HEATR4: variants seen among roughly 807,000 people sequenced by gnomAD.
HEATR4 encodes HEAT repeat containing 4, also known as HEAT repeat-containing protein 4.
HEATR4 carries 95 observed loss-of-function variants against 108.8 expected under a neutral mutation model. That is an observed-to-expected ratio of 0.87 (90% CI 0.74 to 1.04). The LOEUF (loss-of-function observed/expected upper bound fraction) is 1.04, where lower values mean the gene tolerates loss of function less well. HEATR4 is among the 50% of genes least tolerant of loss of function. The pLI, the probability that HEATR4 is intolerant of heterozygous loss-of-function variation, is 0.00. For synonymous variants in HEATR4, 443 were observed against 459.4 expected (o/e 0.96, Z 0.46); for missense variants, 1,152 against 1,253.8 (o/e 0.92, Z 1.23).
chr14:73,506,491 G>T lies in HEATR4; in HGVS notation c.1962C>A (p.Ser654=), dbSNP rs1886834994. 1 of 1,613,722 alleles carries T rather than the reference G, an allele frequency of 6.2e-7. No homozygotes were observed. Among genetic ancestry groups the T allele is most frequent in the Non-Finnish European group, 8.5e-7 (1 of 1,179,930 alleles). The change falls in exon 10 of 18, where the codon TCC becomes TCA. Residue 654 remains serine, a synonymous_variant. Coordinates refer to ENST00000553558, the MANE Select transcript of HEATR4 (RefSeq NM_001220484.1). ...CCAAGCAGACATTTCCACTGATCCG[G>T]GAGAAAGCCTGGCAGGCCACAATCC... ...KNRIVACQAF[S]RISGNVCLDM...
intron 7 of HEATR4, among the ~76,000 whole-genome samples, chr14:73,509,963 T>C (rs2140277995): frequency 6.7e-6 from 1 of 149,514 alleles, no homozygotes; most frequent in East Asian, 2.0e-4. Flanking sequence ...AAGCTCCGCC[T>C]CCTGGGTTCA....
At chr14:73,633,084 A>C in the HEATR4 span, among the ~76,000 whole-genome samples, 4 of 142,740 alleles carry the variant, frequency 2.8e-5, no homozygotes, top group Admixed American at 3.0e-4. Context: ...GGCTCACTGC[A>C]GCCTCCGCCT....
chr14:73,609,484 G>A, the HEATR4 span, among the ~76,000 whole-genome samples: 1 of 152,038 alleles, frequency 6.6e-6, no homozygotes, highest in African/African-American at 2.4e-5. Context: ...TCTAGGTTTA[G>A]GTCCTCTATG....
chr14:73,522,861 T>C lies in HEATR4; in HGVS notation c.292A>G (p.Asn98Asp). Residue 98 changes from asparagine to aspartate, a missense_variant, in exon 3 of 18, where the codon AAT becomes GAT. Physicochemically the swap from Asn to Asp is conservative, Grantham distance 23 (BLOSUM62 1). Transcript: ENST00000553558. ...GGAGTATGGATGATGTCATTGGTATTGTAGAGGTGGTCAAAGCTGTACTGG... is the reference window on the plus strand; with the variant it reads ...GGAGTATGGATGATGTCATTGGTATCGTAGAGGTGGTCAAAGCTGTACTGG... ...YSQYSFDHLY[N>D]TNDIIHTPQI... 1 of 1,614,100 alleles carries C rather than the reference T, an allele frequency of 6.2e-7. No homozygotes were observed. The highest frequency in any genetic ancestry group is 8.5e-7 in the Non-Finnish European group (1 of 1,180,018).
At chr14:73,541,937 C>T (rs1215295140) in intron 1 of HEATR4, among the ~76,000 whole-genome samples, 1 of 112,930 alleles carries the variant, frequency 8.9e-6, no homozygotes, top group African/African-American at 3.0e-5. Flanking sequence ...CTCACTGCAA[C>T]CTCCACCTCC....
chr14:73,568,352 GA>G, the HEATR4 span, among the ~76,000 whole-genome samples: 2,356 of 146,178 alleles, frequency 0.016, 75 homozygotes, highest in African/African-American at 0.056. Flanking sequence ...CTTAAGTGAT[GA>G]AAAAAAAAAA....
chr14:73,617,898 A>T, the HEATR4 span, among the ~76,000 whole-genome samples: 13 of 116,798 alleles, frequency 1.1e-4, no homozygotes, highest in African/African-American at 4.4e-4. Context: ...TAATCCCAGT[A>T]CTTTGGGAGG....
chr14:73,569,148 C>T, the HEATR4 span: 1 of 1,459,986 alleles, frequency 6.8e-7, no homozygotes, highest in Non-Finnish European at 9.4e-7. Context: ...TATATTTGGT[C>T]TGGCTGATCG....
At position 73,495,145 on chromosome 14, in the gene HEATR4, GCTA is replaced by G. The variant is rs776720245; in HGVS notation, c.2785+80_2785+82del. On this transcript the variant is annotated intron_variant, in intron 16 of 17. Transcript: ENST00000553558. ...CTGACTCTTTCATCCTCTAAGGCTT[GCTA>G]CTAAGTCCCAAAACATCCAGATCCT... is the stretch of plus-strand genomic sequence containing the variant. 2.3e-3 allele frequency: 2,780 copies of G among 1,230,758 alleles called. 1 individual carries two copies. The highest frequency in any genetic ancestry group is 3.0e-3 in the Non-Finnish European group (2,576 of 867,672). 76.2% of individuals were successfully genotyped at this position (1,230,758 alleles called of 1,614,324 possible).
the HEATR4 span, chr14:73,612,606 G>T: frequency 1.1e-5 from 16 of 1,417,338 alleles, no homozygotes; most frequent in African/African-American, 8.9e-5. Flanking sequence ...CCCGCGGGCC[G>T]CTGCTGCTGG....
Position 73,530,079 on chromosome 14 carries a change from C to G in HEATR4, c.-73+87G>C, listed in dbSNP as rs1276555892. On this transcript the variant is annotated intron_variant, in intron 2 of 17. Transcript: ENST00000553558. ...CCAGGCTCAAGCAATCCTCCTGCCTCAGCGTCCCCAGTAGCTGGGACCACA... is the reference window on the plus strand; with the variant it reads ...CCAGGCTCAAGCAATCCTCCTGCCTGAGCGTCCCCAGTAGCTGGGACCACA... 1,317 of 132,620 alleles carry G rather than the reference C, an allele frequency of 9.9e-3. 1 individual carries two copies. Among genetic ancestry groups the G allele is most frequent in the African/African-American group, 0.033 (1,251 of 37,544 alleles). 8.2% of individuals were successfully genotyped at this position (132,620 alleles called of 1,614,324 possible).
intron 16 of HEATR4, 133 bp downstream of exon 16, chr14:73,495,095 C>A: frequency 3.1e-6 from 2 of 652,080 alleles, no homozygotes; most frequent in South Asian, 5.5e-5. Flanking sequence ...TGGATGGTAG[C>A]CAAGAGGGAA....
At chr14:73,606,384 CAAAAAA>C in the HEATR4 span, among the ~76,000 whole-genome samples, 2 of 143,422 alleles carry the variant, frequency 1.4e-5, no homozygotes, top group African/African-American at 5.3e-5. Flanking sequence ...CAAAACAAAA[CAAAAAA>C]AAAAAAAACT....
chr14:73,617,566 C>A, the HEATR4 span, among the ~76,000 whole-genome samples: 1 of 152,120 alleles, frequency 6.6e-6, no homozygotes, highest in Non-Finnish European at 1.5e-5. Context: ...TCAAAGAGCA[C>A]AGGACTAAAA....
chr14:73,572,697 G>T, the HEATR4 span, among the ~76,000 whole-genome samples: 15 of 145,058 alleles, frequency 1.0e-4, 1 homozygote, highest in Non-Finnish European at 1.4e-4. Flanking sequence ...GCCCAGGCTG[G>T]AGTAGTGGCA....
intron 17 of HEATR4, among the ~76,000 whole-genome samples, chr14:73,485,826 G>A (rs1411572217): frequency 6.6e-6 from 1 of 150,984 alleles, no homozygotes; most frequent in African/African-American, 2.4e-5. Flanking sequence ...CCAAGATCAC[G>A]CCACTGCATT....
rs979254434 is a variant in HEATR4 at position 73,492,354 on chromosome 14, A to G, written c.2844+712T>C. ...CTGGCAGTGCAGGCTGCAATGGAAG[A>G]AAATGTGGAGTTTCGGAGGGGTCTG... is the stretch of plus-strand genomic sequence containing the variant. On this transcript the variant is annotated intron_variant, in intron 17 of 17. Coordinates refer to ENST00000553558, the MANE Select transcript of HEATR4 (RefSeq NM_001220484.1). The surrounding 1 kb of genome is among the most constrained non-coding windows in gnomAD (Gnocchi z 4.9). The G allele has an allele frequency of 1.9e-6, 3 of 1,613,800 alleles. No homozygotes were observed. Among genetic ancestry groups the G allele is most frequent in the Admixed American group, 1.7e-5 (1 of 59,998 alleles).
chr14:73,490,255 A>G (rs1045716761), intron 17 of HEATR4, among the ~76,000 whole-genome samples: 1 of 152,094 alleles, frequency 6.6e-6, no homozygotes, highest in African/African-American at 2.4e-5. Context: ...CCTCCCGAGT[A>G]GCTGGGACTA....
the HEATR4 span, chr14:73,611,619 T>A: frequency 6.6e-6 from 1 of 152,218 alleles, no homozygotes; most frequent in African/African-American, 2.4e-5. Flanking sequence ...AACAAAACTT[T>A]CACTGGGTAC....
Sources: allele counts gnomAD v4.1 joint callset (sites outside exome capture counted in the v4.1 genomes callset), GRCh38; gene constraint gnomAD v4.1.1; non-coding constraint Gnocchi (gnomAD v3.1); transcripts MANE v1.5; gene names NCBI Gene and HGNC (gene_info 2026-07-23, HGNC 2026-07-21).